Variants in MACROD2 observed in about 807,000 individuals in gnomAD.
The protein encoded by MACROD2 is ADP-ribose glycohydrolase MACROD2.
MACROD2 carries 36 observed loss-of-function variants against 70.4 expected under a neutral mutation model. The observed-to-expected ratio is 0.51, with a 90% confidence interval of 0.39 to 0.68. The LOEUF (loss-of-function observed/expected upper bound fraction) is 0.68. Ranked by LOEUF, MACROD2 falls within the 30% of genes least tolerant of loss-of-function variation. The pLI, the probability that MACROD2 is intolerant of heterozygous loss-of-function variation, is 0.00. For missense variants in MACROD2, 496 were observed against 538.4 expected, an observed-to-expected ratio of 0.92 and a Z score of 0.78; for synonymous variants, 172 against 178.8, an observed-to-expected ratio of 0.96 and a Z score of 0.30.
rs563353380 is a variant in MACROD2, at chr20:14,333,319, A to C, written c.272-160160A>C. On this transcript the variant is annotated intron_variant, in intron 3 of 17. Coordinates refer to ENST00000684519, the MANE Select transcript of MACROD2 (RefSeq NM_001351661.2). ...CCGGTACGTTTCTGACAAATGAATCAAATTCTGCTTCATTTATTTTGACTT... is the reference window on the plus strand; with the variant it reads ...CCGGTACGTTTCTGACAAATGAATCCAATTCTGCTTCATTTATTTTGACTT... Among the ~76,000 whole-genome samples the C allele has an allele frequency of 3.9e-5, 6 of 152,294 alleles. No individual in the cohort carries two copies. In the South Asian group the frequency reaches 6.2e-4, roughly 16 times the overall value.
chr20:15,453,492 C>T (rs542101064), intron 7 of MACROD2, among the ~76,000 whole-genome samples: 13 of 152,100 alleles, frequency 8.5e-5, no homozygotes, highest in Non-Finnish European at 1.3e-4. Flanking sequence ...ACTGAATTGA[C>T]GCCTATCTTT....
intron 5 of MACROD2, among the ~76,000 whole-genome samples, chr20:14,801,103 TC>T (rs1410091960): frequency 1.3e-5 from 2 of 152,188 alleles, no homozygotes; most frequent in African/African-American, 4.8e-5. Flanking sequence ...GAAAATGGAA[TC>T]ACAAGTCTGC....
chr20:15,584,777 T>G (rs2048574375), intron 8 of MACROD2, among the ~76,000 whole-genome samples: 1 of 152,214 alleles, frequency 6.6e-6, no homozygotes, highest in South Asian at 2.1e-4. Flanking sequence ...AGCATGGGGC[T>G]GGCTGCTTGT....
intron 12 of MACROD2, among the ~76,000 whole-genome samples, chr20:15,960,867 C>G (rs898340536): frequency 6.6e-6 from 1 of 152,120 alleles, no homozygotes; most frequent in Non-Finnish European, 1.5e-5. Context: ...GGCTACAAGG[C>G]TTAGCTTGCA....
At position 15,775,997 on chromosome 20, in the gene MACROD2, C is replaced by T. The variant is rs780938456; in HGVS notation, c.646-86748C>T. Among the ~76,000 whole-genome samples, 49 of 152,146 alleles carry T rather than the reference C, an allele frequency of 3.2e-4. 1 individual carries two copies. Among genetic ancestry groups the T allele is most frequent in the African/African-American group, 4.1e-4 (17 of 41,446 alleles). The stretch of plus-strand genomic sequence containing the variant: ...GGAATTCCAGGCCTGATATGTGAAA[C>T]GTAAAGCCCTAAGGCAAATATATTT... On this transcript the variant is annotated intron_variant, in intron 8 of 17. Transcript: ENST00000684519.
At chr20:15,739,708 C>A (rs2051076452) in intron 8 of MACROD2, among the ~76,000 whole-genome samples, 1 of 152,040 alleles carries the variant, frequency 6.6e-6, no homozygotes, top group African/African-American at 2.4e-5. Context: ...GAAAGAAAAT[C>A]AGAAGTCTGC....
chr20:14,673,354 G>A (rs575640125), intron 4 of MACROD2, among the ~76,000 whole-genome samples: 8 of 152,248 alleles, frequency 5.3e-5, no homozygotes, highest in South Asian at 2.1e-4. Flanking sequence ...ACAAGATAAC[G>A]TGGAGGAATG....
At chr20:14,550,182 C>A (rs1423012409) in intron 4 of MACROD2, among the ~76,000 whole-genome samples, 1 of 152,050 alleles carries the variant, frequency 6.6e-6, no homozygotes, top group Non-Finnish European at 1.5e-5. Flanking sequence ...CTCGGCTTCC[C>A]AAAGTGTTGG....
intron 8 of MACROD2, among the ~76,000 whole-genome samples, chr20:15,730,671 G>A (rs1363405824): frequency 6.6e-6 from 1 of 151,772 alleles, no homozygotes. Flanking sequence ...TTTGGGGATA[G>A]TTCTCTCGTA....
chr20:15,952,249 A>C (rs2065917084), intron 12 of MACROD2, among the ~76,000 whole-genome samples: 1 of 152,170 alleles, frequency 6.6e-6, no homozygotes, highest in South Asian at 2.1e-4. Context: ...CAGTAGCATG[A>C]AAACAGACTA....
intron 5 of MACROD2, among the ~76,000 whole-genome samples, chr20:15,082,624 C>G (rs1380247076): frequency 7.6e-6 from 1 of 131,684 alleles, no homozygotes; most frequent in Admixed American, 9.1e-5. Flanking sequence ...CTGCATTGAT[C>G]ATTTTAATTC....
intron 5 of MACROD2, among the ~76,000 whole-genome samples, chr20:15,017,331 C>G (rs748100515): frequency 6.6e-6 from 1 of 152,220 alleles, no homozygotes; most frequent in Non-Finnish European, 1.5e-5. Flanking sequence ...AACTCCATAT[C>G]TCACATCCAG....
At chr20:15,059,405 G>GA (rs1349579539) in intron 5 of MACROD2, among the ~76,000 whole-genome samples, 25 of 150,594 alleles carry the variant, frequency 1.7e-4, no homozygotes, top group Admixed American at 1.1e-3. Context: ...AATAGAAAAA[G>GA]AAAAAAAAAG....
chr20:14,450,278 TTCTAAGA>T (rs2084230946), intron 3 of MACROD2, among the ~76,000 whole-genome samples: 1 of 152,118 alleles, frequency 6.6e-6, no homozygotes, highest in South Asian at 2.1e-4. Context: ...TGCATGTTGG[TTCTAAGA>T]AGTACACATT....
intron 5 of MACROD2, among the ~76,000 whole-genome samples, chr20:14,715,960 C>G (rs1482593012): frequency 6.6e-6 from 1 of 152,158 alleles, no homozygotes; most frequent in African/African-American, 2.4e-5. Flanking sequence ...CCTAAATCAT[C>G]TAAACACCAA....
intron 4 of MACROD2, among the ~76,000 whole-genome samples, chr20:14,681,797 C>T (rs770213271): frequency 7.2e-5 from 11 of 152,028 alleles, no homozygotes; most frequent in Non-Finnish European, 1.6e-4. Flanking sequence ...TAGAGTGCTT[C>T]GATATGCCAC....
chr20:15,084,676 T>A (rs2075733356), intron 5 of MACROD2, among the ~76,000 whole-genome samples: 1 of 152,210 alleles, frequency 6.6e-6, no homozygotes, highest in Non-Finnish European at 1.5e-5. Context: ...TACTGTATTA[T>A]GAATAATTTT....
chr20:15,515,618 G>A (rs6110644), intron 8 of MACROD2, among the ~76,000 whole-genome samples: 1 of 152,200 alleles, frequency 6.6e-6, no homozygotes, highest in Non-Finnish European at 1.5e-5. Context: ...TTTAATCCAA[G>A]GAGCCTGGCA....
intron 3 of MACROD2, among the ~76,000 whole-genome samples, chr20:14,292,850 G>A (rs1287562020): frequency 6.6e-6 from 1 of 151,846 alleles, no homozygotes; most frequent in Non-Finnish European, 1.5e-5. Flanking sequence ...AGTGAGGCTG[G>A]TCTTGAACTC....
Sources: gnomAD v4.1 joint callset for allele counts (sites outside exome capture counted in the v4.1 genomes callset) on GRCh38, gnomAD v4.1.1 for gene constraint, MANE v1.5 for transcripts, NCBI Gene and HGNC (gene_info 2026-07-23, HGNC 2026-07-21) for gene names.